ERI1: variants seen among roughly 807,000 people sequenced by gnomAD.
The protein encoded by ERI1 is exoribonuclease 1.
ERI1 carries 39 observed loss-of-function variants against 39.7 expected under a neutral mutation model. The observed-to-expected ratio is 0.98, with a 90% CI of 0.76 to 1.28. ERI1 has a LOEUF of 1.28. Ranked by LOEUF, ERI1 falls within the 50% of genes most tolerant of loss-of-function variation. ERI1 has a pLI of 0.00. For missense variants in ERI1, 581 were observed against 416.9 expected (o/e 1.39, Z -3.43); for synonymous variants, 204 against 149.6 (o/e 1.36, Z -2.65).
At chr8:9,035,062 A>C (rs1277018538), downstream of ERI1, among the ~76,000 whole-genome samples, 3 of 152,250 alleles carry the variant, frequency 2.0e-5, no homozygotes, top group Non-Finnish European at 4.4e-5. Flanking sequence ...AGGAAGCTGC[A>C]GAAGAAAAAT....
intron 1 of ERI1, among the ~76,000 whole-genome samples, chr8:9,005,449 A>G (rs1815879511): frequency 6.6e-6 from 1 of 152,102 alleles, no homozygotes; most frequent in Non-Finnish European, 1.5e-5. Flanking sequence ...GCAATTATAG[A>G]ATACCTGTCT....
At chr8:9,076,643 T>C (rs571765605) in intron 3 of ERI1, among the ~76,000 whole-genome samples, 40 of 152,356 alleles carry the variant, frequency 2.6e-4, no homozygotes, top group African/African-American at 9.6e-4. Flanking sequence ...CATGTGCTTC[T>C]CTTTCTGTGG....
intron 3 of ERI1, among the ~76,000 whole-genome samples, chr8:9,071,299 G>A (rs1422112287): frequency 1.3e-5 from 2 of 152,172 alleles, no homozygotes; most frequent in Admixed American, 6.5e-5. Flanking sequence ...TTCAGTGTTT[G>A]ATAAATACTT....
At chr8:9,007,753 C>T (rs2117181842) in intron 1 of ERI1, among the ~76,000 whole-genome samples, 1 of 152,168 alleles carries the variant, frequency 6.6e-6, no homozygotes, top group African/African-American at 2.4e-5. Flanking sequence ...CTTTGAGGAA[C>T]CTCATGACTC....
intron 3 of ERI1, among the ~76,000 whole-genome samples, chr8:9,085,005 A>G (rs1585295980): frequency 1.3e-5 from 2 of 152,158 alleles, no homozygotes; most frequent in Non-Finnish European, 1.5e-5. Flanking sequence ...ACCAACCAAC[A>G]GCATCAACAT....
chr8:9,034,924 T>C (rs1341198517), downstream of ERI1, among the ~76,000 whole-genome samples: 1 of 152,148 alleles, frequency 6.6e-6, no homozygotes, highest in Non-Finnish European at 1.5e-5. Context: ...CAAAACAGCC[T>C]TATTACTGAT....
At chr8:9,053,267 T>C (rs1273167282) in intron 3 of ERI1, among the ~76,000 whole-genome samples, 4 of 152,222 alleles carry the variant, frequency 2.6e-5, no homozygotes, top group Non-Finnish European at 5.9e-5. Flanking sequence ...TCCGCCTGCC[T>C]TGGCCTCTCA....
At chr8:9,040,008 T>C (rs1240282432) in intron 3 of ERI1, among the ~76,000 whole-genome samples, 2 of 152,198 alleles carry the variant, frequency 1.3e-5, no homozygotes, top group Non-Finnish European at 1.5e-5. Flanking sequence ...ATCACTAAAC[T>C]CTTTTTGTTT....
downstream of ERI1, among the ~76,000 whole-genome samples, chr8:9,037,590 C>T (rs1797892391): frequency 6.6e-6 from 1 of 151,622 alleles, no homozygotes; most frequent in South Asian, 2.1e-4. Flanking sequence ...ACAATGGGTG[C>T]TTAGTTAAAA....
chr8:9,044,420 G>A (rs915633013), intron 3 of ERI1, among the ~76,000 whole-genome samples: 4 of 152,136 alleles, frequency 2.6e-5, no homozygotes, highest in African/African-American at 9.7e-5. Context: ...GACCAGGTCA[G>A]CAGACACATC....
Position 9,005,834 on chromosome 8 carries a change from C to T in ERI1, c.109-2136C>T, listed in dbSNP as rs79589285. Among the ~76,000 whole-genome samples the T allele has an allele frequency of 2.3e-4, 35 of 152,298 alleles. No homozygotes were observed. The East Asian group carries it at 6.7e-3, about 29-fold the overall frequency. On this transcript the variant is annotated intron_variant, in intron 1 of 6. Coordinates refer to ENST00000250263, the MANE Select transcript of ERI1 (RefSeq NM_153332.4). ...AAGTAGTTTGCCACAAGATAGTAAA[C>T]CTCTGTTTGGTATAGAAGATTTTCA...
At chr8:9,084,696 C>T (rs1344542507) in intron 3 of ERI1, among the ~76,000 whole-genome samples, 1 of 152,140 alleles carries the variant, frequency 6.6e-6, no homozygotes, top group Non-Finnish European at 1.5e-5. Flanking sequence ...GGAAAATATT[C>T]CTCCCTCTTT....
chr8:9,085,500 G>A lies in ERI1; in HGVS notation n.300-30848G>A, dbSNP rs138654966. Among the ~76,000 whole-genome samples the A allele has an allele frequency of 4.8e-3, 722 of 151,984 alleles. 5 individuals are homozygous for A. The highest frequency in any genetic ancestry group is 0.017 in the African/African-American group (698 of 41,472). Reference sequence around the variant, plus strand: ...TGGGATTACAGGCCTGAGCCACCGCGCCCGGCCCTACCATCTTTTTTTATA... The same window carrying A: ...TGGGATTACAGGCCTGAGCCACCGCACCCGGCCCTACCATCTTTTTTTATA... On this transcript the variant is annotated intron_variant and non_coding_transcript_variant, in intron 3 of 3. Coordinates refer to the ERI1 transcript ENST00000518663.
At chr8:9,027,685 CTT>C (rs1009723855) in intron 6 of ERI1, among the ~76,000 whole-genome samples, 2 of 152,108 alleles carry the variant, frequency 1.3e-5, no homozygotes, top group Admixed American at 6.5e-5. Flanking sequence ...CAACTTCATT[CTT>C]TTGCACGTGG....
intron 3 of ERI1, among the ~76,000 whole-genome samples, chr8:9,064,199 A>C (rs970565514): frequency 1.3e-5 from 2 of 148,830 alleles, no homozygotes; most frequent in African/African-American, 5.0e-5. Flanking sequence ...CTTGCCCCCT[A>C]GAGAAGCGAT....
chr8:9,007,245 G>GT (rs1816114355), intron 1 of ERI1, among the ~76,000 whole-genome samples: 1 of 152,174 alleles, frequency 6.6e-6, no homozygotes, highest in Non-Finnish European at 1.5e-5. Flanking sequence ...TTTGGAAAAT[G>GT]TAAGTTTTGA....
chr8:9,067,678 A>C (rs1212404720), intron 3 of ERI1, among the ~76,000 whole-genome samples: 1 of 151,806 alleles, frequency 6.6e-6, no homozygotes, highest in African/African-American at 2.4e-5. Context: ...AAAGGTGACA[A>C]GACCTTCCAT....
At chr8:9,020,512 G>C (rs1049581362) in intron 6 of ERI1, 48 bp downstream of exon 6, 3 of 1,216,008 alleles carry the variant, frequency 2.5e-6, no homozygotes, top group Non-Finnish European at 3.5e-6. Context: ...TGATAAATTT[G>C]TTAAAATTTG....
At chr8:9,070,800 C>T (rs1336401969) in intron 3 of ERI1, among the ~76,000 whole-genome samples, 1 of 152,226 alleles carries the variant, frequency 6.6e-6, no homozygotes, top group South Asian at 2.1e-4. Context: ...TACTAAAGCT[C>T]CATGAACCAC....
Sources: gnomAD v4.1 joint callset for allele counts (sites outside exome capture counted in the v4.1 genomes callset) on GRCh38, gnomAD v4.1.1 for gene constraint, MANE v1.5 for transcripts, NCBI Gene and HGNC (gene_info 2026-07-23, HGNC 2026-07-21) for gene names.